The following ROBO3 variants were observed in gnomAD, a reference collection of about 807,000 sequenced individuals.
ROBO3 encodes roundabout homolog 3.
ROBO3 carries 97 observed loss-of-function variants against 160.5 expected under a neutral mutation model. That is an observed-to-expected ratio of 0.60 (90% CI 0.51 to 0.72). The LOEUF is 0.72. Ranked by LOEUF, ROBO3 falls within the 30% of genes least tolerant of loss-of-function variation. ROBO3 has a pLI of 0.00. For synonymous variants in ROBO3, 780 were observed against 746.2 expected, an observed-to-expected ratio of 1.05 and a Z score of -0.74; for missense variants, 1,858 against 1,846.5, an observed-to-expected ratio of 1.01 and a Z score of -0.11.
intron 18 of ROBO3, 24 bp downstream of exon 18, chr11:124,877,208 G>C (rs1341898184): frequency 6.2e-7 from 1 of 1,613,784 alleles, no homozygotes; most frequent in Non-Finnish European, 8.5e-7. Context: ...GCCCCAGTGG[G>C]GTTCAGACCC....
chr11:124,869,501 G>C lies in ROBO3; in HGVS notation c.539G>C (p.Gly180Ala). The C allele has an allele frequency of 6.4e-7, 1 of 1,561,054 alleles. No individual in the cohort carries two copies. Among genetic ancestry groups the C allele is most frequent in the Non-Finnish European group, 8.7e-7 (1 of 1,152,090 alleles). ...QSPGNVVVAV[G>A]EPAVLECVPP... ...CCTGGAAACGTGGTGGTGGCAGTGGGGGAGCCAGCAGTACTGGAATGCGTG... is the reference window on the plus strand; with the variant it reads ...CCTGGAAACGTGGTGGTGGCAGTGGCGGAGCCAGCAGTACTGGAATGCGTG... Residue 180 changes from glycine to alanine, a missense_variant, in exon 3 of 28, where the codon GGG (glycine) becomes GCG (alanine). Coordinates refer to ENST00000397801, the MANE Select transcript of ROBO3 (RefSeq NM_022370.4). The surrounding 1 kb of genome is among the most constrained non-coding windows in gnomAD (Gnocchi z 4.2).
chr11:124,878,360 C>A lies in ROBO3; in HGVS notation c.3244C>A (p.Pro1082Thr). 4 of 1,613,882 alleles carry A rather than the reference C, an allele frequency of 2.5e-6. No individual in the cohort carries two copies. The highest frequency in any genetic ancestry group is 3.4e-6 in the Non-Finnish European group (4 of 1,179,850). Reference protein sequence around the residue: ...KPVQMPSLNWPEALPPPPPSC... With the variant: ...KPVQMPSLNWTEALPPPPPSC... ...TGTGCAGATGCCCTCTCTGAACTGG[C>A]CAGAAGCCCTGCCCCCACCTCCTCC... The change falls in exon 22 of 28, where the codon CCA (proline) becomes ACA (threonine). Residue 1082 changes from proline to threonine, a missense_variant. Pro to Thr is a conservative substitution (Grantham distance 38, BLOSUM62 -1). Transcript: ENST00000397801. This position sits in a 1 kb window ranked among gnomAD's most constrained non-coding sequence, Gnocchi z 4.3.
rs1481451480 is a variant in ROBO3 at position 124,865,457 on chromosome 11, C to A, written c.-121C>A. On this transcript the variant is annotated 5_prime_UTR_variant, in exon 1 of 28. Coordinates refer to ENST00000397801, the MANE Select transcript of ROBO3 (RefSeq NM_022370.4). The surrounding 1 kb of genome is among the most constrained non-coding windows in gnomAD (Gnocchi z 5.5). ...GTACCCAGGCGCACCGGCAGGAGAG[C>A]GGCACCGTGGCTGCCGCAGCGCGCA... 7 of 989,616 alleles carry A rather than the reference C, an allele frequency of 7.1e-6. No homozygotes were observed. The highest frequency in any genetic ancestry group is 7.4e-6 in the Non-Finnish European group (5 of 679,772). The allele number at this position is 989,616 out of a possible 1,614,324, so 61.3% of individuals were successfully genotyped here. A position where few individuals can be genotyped will look rare whatever the true frequency, so the allele number is the denominator to read the frequency against.
chr11:124,878,318 A>G lies in ROBO3; in HGVS notation c.3202A>G (p.Lys1068Glu), dbSNP rs750479840. The G allele has an allele frequency of 2.9e-5, 47 of 1,613,572 alleles. No homozygotes were observed. Among genetic ancestry groups the G allele is most frequent in the Non-Finnish European group, 3.7e-5 (44 of 1,179,716 alleles). Reference sequence around the variant, plus strand: ...CTCAGGAGCCAAGGGAGGCAAAGTGAAGCTTCTGGGGAAACCTGTGCAGAT... The same window carrying G: ...CTCAGGAGCCAAGGGAGGCAAAGTGGAGCTTCTGGGGAAACCTGTGCAGAT... ...GDSGAKGGKVKLLGKPVQMPS... is the reference protein window; with the variant it reads ...GDSGAKGGKVELLGKPVQMPS... The change falls in exon 22 of 28, where the codon AAG (lysine) becomes GAG (glutamate). Residue 1068 changes from lysine to glutamate, a missense_variant. Transcript: ENST00000397801. This position sits in a 1 kb window ranked among gnomAD's most constrained non-coding sequence, Gnocchi z 4.3.
Position 124,870,218 on chromosome 11 carries a change from C to A in ROBO3, c.820C>A (p.Pro274Thr). ...GAATCAGGTGGTCCTGGCTGATGCC[C>A]CTGTGACTTTCCTATGTGAGGTGAA... ...PVNQVVLADA[P>T]VTFLCEVKGD... Residue 274 changes from proline (P) to threonine (T), a missense_variant, in exon 5 of 28, where the codon CCT becomes ACT. By Grantham distance (38) the Pro-to-Thr change is conservative. Transcript: ENST00000397801. 1 of 1,614,038 alleles carries A rather than the reference C, an allele frequency of 6.2e-7. No homozygotes were observed.
At chr11:124,868,734 C>T (rs1211355855) in intron 1 of ROBO3, 68 bp from the exon 2 acceptor site, 2 of 1,455,978 alleles carry the variant, frequency 1.4e-6, no homozygotes, top group Admixed American at 2.0e-5. Flanking sequence ...ATTCTCTTTC[C>T]CTCTGGAGCC....
rs1407832224 is a variant in ROBO3 at position 124,876,459 on chromosome 11, G to C, written c.2778G>C (p.Thr926=). ...RKQRKELSHY[T]ASFAYTPAVS... ...AGCGCAAAGAGCTCAGCCACTACAC[G>C]GGTGAGCTCCCGGCCTCGGAGCGGA... Residue 926 remains threonine (T), a splice_region_variant and synonymous_variant, in exon 17 of 28, where the codon ACG becomes ACC. Coordinates refer to ENST00000397801, the MANE Select transcript of ROBO3 (RefSeq NM_022370.4). The surrounding 1 kb of genome is among the most constrained non-coding windows in gnomAD (Gnocchi z 5.3). 7.1e-6 allele frequency: 10 copies of C among 1,403,492 alleles called. No homozygotes were observed. Among genetic ancestry groups the C allele is most frequent in the Admixed American group, 3.2e-5 (1 of 31,744 alleles). 86.9% of individuals were successfully genotyped at this position (1,403,492 alleles called of 1,614,324 possible).
intron 1 of ROBO3, among the ~76,000 whole-genome samples, chr11:124,866,169 C>T (rs1354634847): frequency 6.6e-6 from 1 of 152,190 alleles, no homozygotes; most frequent in African/African-American, 2.4e-5. Context: ...CCGAAGTTTC[C>T]CAAGAACTCA....
Position 124,865,573 on chromosome 11 carries a change from G to T in ROBO3, c.-5G>T, listed in dbSNP as rs1333568494. On this transcript the variant is annotated 5_prime_UTR_variant, in exon 1 of 28. Transcript: ENST00000397801. This position sits in a 1 kb window ranked among gnomAD's most constrained non-coding sequence, Gnocchi z 5.5. Reference sequence around the variant, plus strand: ...CCCCAGTCCCGATCCCAGCTGGGTCGAGCCATGCTGCGCTACCTGCTGAAA... The same window carrying T: ...CCCCAGTCCCGATCCCAGCTGGGTCTAGCCATGCTGCGCTACCTGCTGAAA... 1 of 1,610,670 alleles carries T rather than the reference G, an allele frequency of 6.2e-7. No homozygotes were observed. The highest frequency in any genetic ancestry group is 1.1e-5 in the South Asian group (1 of 90,636).
At position 124,876,965 on chromosome 11, in the gene ROBO3, T is replaced by C. The variant is rs1480847307; in HGVS notation, c.2780-196T>C. 7.4e-6 allele frequency: 5 copies of C among 678,642 alleles called. No individual in the cohort carries two copies. The highest frequency in any genetic ancestry group is 1.3e-5 in the Non-Finnish European group (5 of 376,894). 42.0% of individuals were successfully genotyped at this position (678,642 alleles called of 1,614,324 possible). A position where few individuals can be genotyped will look rare whatever the true frequency, so the allele number is the denominator to read the frequency against. On this transcript the variant is annotated intron_variant, in intron 17 of 27. Transcript: ENST00000397801. The surrounding 1 kb of genome is among the most constrained non-coding windows in gnomAD (Gnocchi z 5.3). ...GTTTTCAATCTTGGTTGGCTACACA[T>C]AGGAATCACTTGAGGGGCTTGAGAA...
chr11:124,880,709 G>A, intron 27 of ROBO3, 101 bp downstream of exon 27: 1 of 1,425,642 alleles, frequency 7.0e-7, no homozygotes. Flanking sequence ...TTGTGGAGGA[G>A]TGTCAAAAGG....
Position 124,879,253 on chromosome 11 carries a change from A to G in ROBO3, c.3597A>G (p.Glu1199=), listed in dbSNP as rs1418106693. ...SVSQPMLGIR[E]ARPAGLGAGP... ...CCCAGCCCATGCTGGGCATCCGTGAAGCGAGGCCTGCTGGCTTGGGTGCTG... is the reference window on the plus strand; with the variant it reads ...CCCAGCCCATGCTGGGCATCCGTGAGGCGAGGCCTGCTGGCTTGGGTGCTG... The change falls in exon 24 of 28, where the codon GAA becomes GAG. Residue 1199 remains glutamate, a synonymous_variant. Transcript: ENST00000397801. 2 of 1,568,364 alleles carry G rather than the reference A, an allele frequency of 1.3e-6. No homozygotes were observed. The highest frequency in any genetic ancestry group is 1.9e-5 in the Admixed American group (1 of 53,278).
rs774688850 is a variant in ROBO3, at chr11:124,879,809, A to T, written c.3819A>T (p.Pro1273=). 8 of 1,613,754 alleles carry T rather than the reference A, an allele frequency of 5.0e-6. No individual in the cohort carries two copies. Among genetic ancestry groups the T allele is most frequent in the Non-Finnish European group, 6.8e-6 (8 of 1,179,808 alleles). The change falls in exon 26 of 28, where the codon CCA becomes CCT. Residue 1273 remains proline, a synonymous_variant. Coordinates refer to ENST00000397801, the MANE Select transcript of ROBO3 (RefSeq NM_022370.4). ...CAGACTTGCCCCCACCACCCTTGCCACCGCCAGAGGAAGAGGCGAGCTGGG... is the reference window on the plus strand; with the variant it reads ...CAGACTTGCCCCCACCACCCTTGCCTCCGCCAGAGGAAGAGGCGAGCTGGG... The part of the protein sequence containing the change: ...SPGDLPPPPL[P]PPEEEASWAL...
Position 124,869,413 on chromosome 11 carries a change from A to G in ROBO3, c.488-37A>G, listed in dbSNP as rs1191544465. 2.0e-6 allele frequency: 3 copies of G among 1,504,264 alleles called. No individual in the cohort carries two copies. The highest frequency in any genetic ancestry group is 2.7e-6 in the Non-Finnish European group (3 of 1,107,284). The allele number at this position is 1,504,264 out of a possible 1,614,324, so 93.2% of individuals were successfully genotyped here. On this transcript the variant is annotated intron_variant, in intron 2 of 27. Coordinates refer to ENST00000397801, the MANE Select transcript of ROBO3 (RefSeq NM_022370.4). The surrounding 1 kb of genome is among the most constrained non-coding windows in gnomAD (Gnocchi z 4.2). ...TGTCCTCAGCCAGTTATGTCACTCTACACCCTGCTTATTTCGCCCCCCACC... is the reference window on the plus strand; with the variant it reads ...TGTCCTCAGCCAGTTATGTCACTCTGCACCCTGCTTATTTCGCCCCCCACC...
Position 124,878,634 on chromosome 11 carries a change from C to T in ROBO3, c.3371C>T (p.Thr1124Met), listed in dbSNP as rs752560301. Residue 1124 changes from threonine (T) to methionine (M), a missense_variant, in exon 23 of 28, where the codon ACG becomes ATG. By Grantham distance (81) the Thr-to-Met change is moderately conservative. Transcript: ENST00000397801. This position sits in a 1 kb window ranked among gnomAD's most constrained non-coding sequence, Gnocchi z 4.3. Reference sequence around the variant, plus strand: ...CCAATGCCTGAGAGAAGTCACCTGACGGAGCCCAGCTCCAGTGGAGGGTGC... The same window carrying T: ...CCAATGCCTGAGAGAAGTCACCTGATGGAGCCCAGCTCCAGTGGAGGGTGC... ...CPPMPERSHLTEPSSSGGCLV... is the reference protein window; with the variant it reads ...CPPMPERSHLMEPSSSGGCLV... 1.9e-5 allele frequency: 31 copies of T among 1,613,044 alleles called. No homozygotes were observed. Among genetic ancestry groups the T allele is most frequent in the Admixed American group, 8.4e-5 (5 of 59,872 alleles).
At chr11:124,879,747 G>C (rs1208183111) in intron 25 of ROBO3, 40 bp from the exon 26 acceptor site, 4 of 1,609,306 alleles carry the variant, frequency 2.5e-6, no homozygotes, top group Non-Finnish European at 3.4e-6. Context: ...TTAGTGACAG[G>C]AGTGGCAGGA....
rs1946245569 is a variant in ROBO3 at position 124,869,212 on chromosome 11, C to G, written c.487+84C>G. On this transcript the variant is annotated intron_variant, in intron 2 of 27. Transcript: ENST00000397801. The surrounding 1 kb of genome is among the most constrained non-coding windows in gnomAD (Gnocchi z 4.2). ...ACTGGGCAATCAGACCCAGAACCAGCCCCAAAGGACTTCAGCCCACTCAGC... is the reference window on the plus strand; with the variant it reads ...ACTGGGCAATCAGACCCAGAACCAGGCCCAAAGGACTTCAGCCCACTCAGC... The G allele has an allele frequency of 2.2e-6, 3 of 1,386,088 alleles. No individual in the cohort carries two copies. Among genetic ancestry groups the G allele is most frequent in the Admixed American group, 4.2e-5 (2 of 47,814 alleles). 85.9% of individuals were successfully genotyped at this position (1,386,088 alleles called of 1,614,324 possible).
At position 124,881,406 on chromosome 11, in the gene ROBO3, T is replaced by C. The variant is rs1426216625; in HGVS notation, c.*156T>C. 4 of 697,830 alleles carry C rather than the reference T, an allele frequency of 5.7e-6. No individual in the cohort carries two copies. Among genetic ancestry groups the C allele is most frequent in the Non-Finnish European group, 7.3e-6 (3 of 408,806 alleles). The allele number at this position is 697,830 out of a possible 1,614,324, so 43.2% of individuals were successfully genotyped here. On this transcript the variant is annotated 3_prime_UTR_variant, in exon 28 of 28. Transcript: ENST00000397801. ...GGCAGAGAGCTAGCTCCTCCCTTTC[T>C]TTCTTTTTCCACCTGAGACTTGTTT...
At chr11:124,879,734 A>G in intron 25 of ROBO3, 53 bp from the exon 26 acceptor site, 1 of 1,608,026 alleles carries the variant, frequency 6.2e-7, no homozygotes, top group Admixed American at 1.7e-5. Flanking sequence ...GGTGAGAGAA[A>G]GATTAGTGAC....
Sources: allele counts gnomAD v4.1 joint callset (sites outside exome capture counted in the v4.1 genomes callset), GRCh38; gene constraint gnomAD v4.1.1; non-coding constraint Gnocchi (gnomAD v3.1); transcripts MANE v1.5; gene names NCBI Gene and HGNC (gene_info 2026-07-23, HGNC 2026-07-21).